MLLT10: variants seen among roughly 807,000 people sequenced by gnomAD.
The protein encoded by MLLT10 is protein AF-10.
A neutral mutation model predicts 129.1 loss-of-function variants in MLLT10; 30 were observed. That is an observed-to-expected ratio of 0.23 (90% CI 0.17 to 0.32). The LOEUF (loss-of-function observed/expected upper bound fraction) is 0.32. Among genes scored for constraint, MLLT10 ranks in the 10% least tolerant of loss-of-function variants. The pLI, the probability that MLLT10 is intolerant of heterozygous loss-of-function variation, is 1.00. For missense variants in MLLT10, 1,119 were observed against 1,268.3 expected (o/e 0.88, Z 1.79); for synonymous variants, 490 against 446.4 (o/e 1.10, Z -1.23).
chr10:21,660,475 G>T (rs2050067661), intron 9 of MLLT10, among the ~76,000 whole-genome samples: 1 of 151,438 alleles, frequency 6.6e-6, no homozygotes, highest in Non-Finnish European at 1.5e-5. Flanking sequence ...AATTAGCCGG[G>T]CATCGTGGTG....
At chr10:21,675,395 C>T (rs2051985733) in intron 11 of MLLT10, among the ~76,000 whole-genome samples, 1 of 152,184 alleles carries the variant, frequency 6.6e-6, no homozygotes, top group Non-Finnish European at 1.5e-5. Context: ...TCCCTTCCTA[C>T]AGTGGGAATA....
rs532631508 is a variant in MLLT10, at chr10:21,544,271, C to T, written c.240+5359C>T. On this transcript the variant is annotated intron_variant, in intron 3 of 22. Coordinates refer to ENST00000307729, the MANE Select transcript of MLLT10 (RefSeq NM_001195626.3). The stretch of plus-strand genomic sequence containing the variant: ...CCTCAGCTCCTGATATTTTCCATCT[C>T]CTGTCTCAAAAGCGAGTAAATTCAG... Among the ~76,000 whole-genome samples the T allele has an allele frequency of 7.2e-5, 11 of 152,312 alleles. No homozygotes were observed. The Middle Eastern group carries it at 0.024, about 330-fold the overall frequency.
chr10:21,573,388 C>G (rs1420757912), intron 3 of MLLT10, among the ~76,000 whole-genome samples: 1 of 152,068 alleles, frequency 6.6e-6, no homozygotes, highest in Non-Finnish European at 1.5e-5. Flanking sequence ...GTCACAGACC[C>G]CAAGAGGAAT....
intron 8 of MLLT10, among the ~76,000 whole-genome samples, chr10:21,646,541 T>C (rs1421780132): frequency 6.6e-6 from 1 of 152,106 alleles, no homozygotes; most frequent in Admixed American, 6.6e-5. Context: ...TACCTTGTGC[T>C]TGTTTAAGCC....
At chr10:21,608,245 T>G (rs2044258149) in intron 5 of MLLT10, among the ~76,000 whole-genome samples, 2 of 151,932 alleles carry the variant, frequency 1.3e-5, no homozygotes, top group Non-Finnish European at 2.9e-5. Flanking sequence ...AAAGGCTCAG[T>G]GCAGTTATTG....
intron 21 of MLLT10, chr10:21,738,326 T>C (rs2058549329): frequency 9.5e-7 from 1 of 1,056,544 alleles, no homozygotes. Context: ...TCTTACCAGT[T>C]GCCTCATCTT....
At chr10:21,729,966 C>A (rs2131569057) in intron 16 of MLLT10, among the ~76,000 whole-genome samples, 1 of 151,982 alleles carries the variant, frequency 6.6e-6, no homozygotes, top group East Asian at 1.9e-4. Context: ...GTAAAAGGAT[C>A]AAAAATTGCT....
At chr10:21,712,203 C>CATTTT (rs2056160003) in intron 13 of MLLT10, among the ~76,000 whole-genome samples, 1 of 150,132 alleles carries the variant, frequency 6.7e-6, no homozygotes, top group South Asian at 2.1e-4. Context: ...TCAATAACTT[C>CATTTT]ATTTATTTAT....
At chr10:21,564,436 T>G (rs1365177148) in intron 3 of MLLT10, 1 of 152,052 alleles carries the variant, frequency 6.6e-6, no homozygotes, top group East Asian at 1.9e-4. Flanking sequence ...TGACCATCTT[T>G]TCAGGTGCTT....
At chr10:21,554,124 C>T (rs1163314099) in intron 3 of MLLT10, among the ~76,000 whole-genome samples, 2 of 152,042 alleles carry the variant, frequency 1.3e-5, no homozygotes, top group African/African-American at 4.8e-5. Flanking sequence ...GAGTTTAGGT[C>T]AGGGAGAAAG....
intron 13 of MLLT10, among the ~76,000 whole-genome samples, chr10:21,691,665 A>T (rs1405445292): frequency 6.6e-6 from 1 of 152,202 alleles, no homozygotes; most frequent in Non-Finnish European, 1.5e-5. Flanking sequence ...TAAACATAAG[A>T]CATGAGGGAA....
intron 9 of MLLT10, among the ~76,000 whole-genome samples, chr10:21,667,942 G>A (rs762021178): frequency 1.7e-4 from 26 of 152,066 alleles, no homozygotes; most frequent in Non-Finnish European, 3.1e-4. Context: ...TAAAAATGAC[G>A]TGTATTCTGA....
intron 14 of MLLT10, among the ~76,000 whole-genome samples, chr10:21,717,893 TCC>T: frequency 3.4e-5 from 5 of 146,752 alleles, no homozygotes; most frequent in African/African-American, 1.1e-4. Flanking sequence ...CTCCTTCTCC[TCC>T]TCCTCCTCCT....
In MLLT10 at chr10:21,617,206, A is replaced by G. The variant is rs146946726; in HGVS notation, c.698A>G (p.Lys233Arg). Residue 233 changes from lysine (K) to arginine (R), a missense_variant and splice_region_variant, in exon 8 of 23, where the codon AAA becomes AGA. By Grantham distance (26) the Lys-to-Arg change is conservative. Around this residue, in one of 5 missense-constraint regions of MLLT10, gnomAD observed 1,004 missense variants for 1,008.7 expected, o/e 1.00. Transcript: ENST00000307729. ...SQDKHHEKEK[K>R]KYKEKDKHKQ... ...GATAAACATCATGAGAAAGAGAAAA[A>G]AGTAAGTGGATTTGTTGTTGCTAAA... 5.0e-4 allele frequency: 750 copies of G among 1,498,504 alleles called. 2 individuals carry two copies. Among genetic ancestry groups the G allele is most frequent in the Middle Eastern group, 4.5e-3 (25 of 5,512 alleles). 92.8% of individuals were successfully genotyped at this position (1,498,504 alleles called of 1,614,324 possible).
intron 20 of MLLT10, among the ~76,000 whole-genome samples, chr10:21,734,439 G>T (rs751389502): frequency 6.6e-6 from 1 of 152,084 alleles, no homozygotes; most frequent in African/African-American, 2.4e-5. Context: ...GAAAGATATC[G>T]TAGTGGAGAT....
chr10:21,690,364 T>A (rs1390004010), intron 13 of MLLT10, among the ~76,000 whole-genome samples: 1 of 152,128 alleles, frequency 6.6e-6, no homozygotes, highest in Admixed American at 6.5e-5. Context: ...ATTAGTTTTC[T>A]AAAACCTTCA....
At chr10:21,598,609 C>T (rs1293451260) in intron 5 of MLLT10, among the ~76,000 whole-genome samples, 1 of 152,142 alleles carries the variant, frequency 6.6e-6, no homozygotes, top group African/African-American at 2.4e-5. Context: ...GTGGGCCAGG[C>T]GCGATGGCTT....
intron 4 of MLLT10, among the ~76,000 whole-genome samples, chr10:21,590,900 A>G (rs1372645210): frequency 6.6e-6 from 1 of 152,074 alleles, no homozygotes; most frequent in African/African-American, 2.4e-5. Context: ...AGTACTTACT[A>G]TGTGTTACAT....
chr10:21,714,045 C>T (rs2056340643), intron 14 of MLLT10, 95 bp downstream of exon 14: 1 of 1,029,850 alleles, frequency 9.7e-7, no homozygotes, highest in Non-Finnish European at 1.4e-6. Context: ...ATAGGGCCTT[C>T]TATAGGAATT....
Sources: gnomAD v4.1 joint callset for allele counts (sites outside exome capture counted in the v4.1 genomes callset) on GRCh38, gnomAD v4.1.1 for gene constraint, gnomAD v4.1.1 regional missense constraint, MANE v1.5 for transcripts, NCBI Gene and HGNC (gene_info 2026-07-23, HGNC 2026-07-21) for gene names.